FARP1: variants seen among roughly 807,000 people sequenced by gnomAD.
FARP1 encodes FERM, ARHGEF and pleckstrin domain-containing protein 1.
Under a neutral mutation model 128.8 loss-of-function variants are expected in FARP1, and 52 were observed. The ratio of observed to expected loss-of-function variants is 0.40; its 90% CI spans 0.32 to 0.51. FARP1 has a LOEUF of 0.51. Among genes scored for constraint, FARP1 ranks in the 20% least tolerant of loss-of-function variants. The pLI, the probability that FARP1 is intolerant of heterozygous loss-of-function variation, is 0.45. For missense variants in FARP1, 1,333 were observed against 1,367.9 expected (o/e 0.97, Z 0.40); for synonymous variants, 580 against 551.8 (o/e 1.05, Z -0.72).
rs571912087 is a variant in FARP1 at position 98,210,457 on chromosome 13, C to G, written c.-23-2763C>G. Among the ~76,000 whole-genome samples, 6 of 152,246 alleles carry G rather than the reference C, an allele frequency of 3.9e-5. No homozygotes were observed. In the South Asian group the frequency reaches 8.3e-4, roughly 21 times the overall value. On this transcript the variant is annotated intron_variant, in intron 1 of 26. Transcript: ENST00000319562. ...TCCTTTTATAGCCCCAGGGAGCATT[C>G]CAAAGCACACTCACACCTCCCCCTC...
rs1555329634 is a variant in FARP1 at position 98,232,144 on chromosome 13, G to GTTTTTTTTTTT, written c.171+18731_171+18732insTTTTTTTTTTT. Among the ~76,000 whole-genome samples the GTTTTTTTTTTT allele has an allele frequency of 3.6e-3, 398 of 111,544 alleles. 25 individuals are homozygous for GTTTTTTTTTTT. Among genetic ancestry groups the GTTTTTTTTTTT allele is most frequent in the East Asian group, 8.5e-3 (32 of 3,780 alleles). 73.2% of individuals were successfully genotyped at this position (111,544 alleles called of 152,430 possible). ...CGTGCCCGGCTTTTTTTGTTTGGTT[G>GTTTTTTTTTTT]GTTTTTTTTTTTTTTTTTTTTTGCT... On this transcript the variant is annotated intron_variant, in intron 2 of 26. Transcript: ENST00000319562.
At chr13:98,365,245 G>GT in intron 3 of FARP1, 150 bp from the exon 4 acceptor site, 1 of 584,516 alleles carries the variant, frequency 1.7e-6, no homozygotes, top group East Asian at 2.6e-5. Context: ...GGTAGACAAC[G>GT]TAAGATACGG....
chr13:98,351,468 T>C (rs1161499895), intron 3 of FARP1, among the ~76,000 whole-genome samples: 5 of 151,874 alleles, frequency 3.3e-5, no homozygotes, highest in African/African-American at 4.8e-5. Flanking sequence ...AAAAATTAGC[T>C]GGGCGTGGTG....
intron 25 of FARP1, 35 bp from the exon 26 acceptor site, chr13:98,446,631 C>A: frequency 1.2e-6 from 2 of 1,610,232 alleles, no homozygotes; most frequent in South Asian, 1.1e-5. Flanking sequence ...GAAGCTGACC[C>A]CGAAAAGCCA....
chr13:98,160,298 C>T (rs911067350), intron 1 of FARP1, among the ~76,000 whole-genome samples: 8 of 151,990 alleles, frequency 5.3e-5, no homozygotes, highest in Admixed American at 2.6e-4. Flanking sequence ...GTGCTGTAGG[C>T]GTGATGGTGG....
chr13:98,324,313 TTGTG>T (rs1300405905), intron 2 of FARP1, among the ~76,000 whole-genome samples: 1 of 152,200 alleles, frequency 6.6e-6, no homozygotes, highest in Non-Finnish European at 1.5e-5. Context: ...CTACTCCAGC[TTGTG>T]TATTTTGGCA....
chr13:98,363,141 T>G (rs1888941970), intron 3 of FARP1, among the ~76,000 whole-genome samples: 2 of 152,144 alleles, frequency 1.3e-5, no homozygotes, highest in Non-Finnish European at 2.9e-5. Flanking sequence ...CCATTGCTCT[T>G]AGGATAAGGA....
intron 3 of FARP1, among the ~76,000 whole-genome samples, chr13:98,357,644 A>G (rs376202389): frequency 6.6e-6 from 1 of 152,160 alleles, no homozygotes; most frequent in African/African-American, 2.4e-5. Context: ...CATATGGAAT[A>G]TAGTTAGAAT....
chr13:98,386,620 A>G (rs1163758894), intron 8 of FARP1, among the ~76,000 whole-genome samples: 1 of 152,220 alleles, frequency 6.6e-6, no homozygotes, highest in East Asian at 1.9e-4. Context: ...AAGGCTGTTC[A>G]GTACATTCCT....
intron 1 of FARP1, among the ~76,000 whole-genome samples, chr13:98,192,131 C>G (rs995674469): frequency 6.8e-4 from 103 of 152,152 alleles, no homozygotes; most frequent in African/African-American, 2.4e-3. Context: ...ATTGAGTCCT[C>G]TGCATTTCAC....
chr13:98,295,876 T>C (rs1885664734), intron 2 of FARP1, among the ~76,000 whole-genome samples: 1 of 152,366 alleles, frequency 6.6e-6, no homozygotes, highest in East Asian at 1.9e-4. Flanking sequence ...CATCCTTTTA[T>C]ATTTTGCATT....
intron 2 of FARP1, among the ~76,000 whole-genome samples, chr13:98,248,305 G>A (rs1186566760): frequency 1.3e-5 from 2 of 152,134 alleles, no homozygotes; most frequent in Admixed American, 6.5e-5. Flanking sequence ...ATTTAATAGT[G>A]GACTCAGGGA....
At chr13:98,434,127 G>T (rs976779844) in intron 18 of FARP1, 4 of 152,246 alleles carry the variant, frequency 2.6e-5, no homozygotes, top group African/African-American at 9.7e-5. Context: ...AGCATGAAGT[G>T]GCAGCACTGT....
intron 2 of FARP1, 45 bp from the exon 3 acceptor site, chr13:98,343,717 A>C (rs752717224): frequency 7.4e-7 from 1 of 1,357,764 alleles, no homozygotes; most frequent in East Asian, 2.3e-5. Context: ...GTTTGTTTTC[A>C]TCCGTGCCTG....
At position 98,176,752 on chromosome 13, in the gene FARP1, G is replaced by C. The variant is rs1421247800; in HGVS notation, c.-24+33260G>C. On this transcript the variant is annotated intron_variant, in intron 1 of 26. Coordinates refer to ENST00000319562, the MANE Select transcript of FARP1 (RefSeq NM_005766.4). The surrounding 1 kb of genome is among the most constrained non-coding windows in gnomAD (Gnocchi z 6.2). The stretch of plus-strand genomic sequence containing the variant: ...CCCCGAGGAGGAGTTGCCCATGGAC[G>C]TGTCCTTGGGCTTCAGGTACCTCAG... 1 of 1,613,850 alleles carries C rather than the reference G, an allele frequency of 6.2e-7. No homozygotes were observed. The highest frequency in any genetic ancestry group is 1.3e-5 in the African/African-American group (1 of 74,936).
rs368487225 is a variant in FARP1, at chr13:98,167,243, AG to A, written c.-24+23753del. ...TATGGAGAATTCTTAATTGATTTAT[AG>A]GCGTTCCTTTGTATATGGAGAAAAT... is the stretch of plus-strand genomic sequence containing the variant. On this transcript the variant is annotated intron_variant, in intron 1 of 26. Coordinates refer to ENST00000319562, the MANE Select transcript of FARP1 (RefSeq NM_005766.4). Among the ~76,000 whole-genome samples, 36 of 152,248 alleles carry A rather than the reference AG, an allele frequency of 2.4e-4. No individual in the cohort carries two copies. In the East Asian group the frequency reaches 5.6e-3, roughly 24 times the overall value.
At chr13:98,238,112 A>G (rs1882537377) in intron 2 of FARP1, among the ~76,000 whole-genome samples, 2 of 152,212 alleles carry the variant, frequency 1.3e-5, no homozygotes, top group Non-Finnish European at 2.9e-5. Context: ...GTTTGACTTA[A>G]AAAATGTTAA....
At chr13:98,396,602 A>C in intron 13 of FARP1, 1 of 398,222 alleles carries the variant, frequency 2.5e-6, no homozygotes, top group South Asian at 1.4e-4. Context: ...CATTTGTTAG[A>C]GGAGATTTTG....
Position 98,395,356 on chromosome 13 carries a change from A to G in FARP1, c.1294A>G (p.Arg432Gly). The G allele has an allele frequency of 6.2e-7, 1 of 1,611,814 alleles. No individual in the cohort carries two copies. The highest frequency in any genetic ancestry group is 2.2e-5 in the East Asian group (1 of 44,820). Residue 432 changes from arginine to glycine, a missense_variant, in exon 13 of 27, where the codon AGA becomes GGA. Coordinates refer to ENST00000319562, the MANE Select transcript of FARP1 (RefSeq NM_005766.4). ...GTCGCACCCGAGCCCTGCGCCGAGGAGAAGCCCCGCGGGTAACAAGCAGGC... is the reference window on the plus strand; with the variant it reads ...GTCGCACCCGAGCCCTGCGCCGAGGGGAAGCCCCGCGGGTAACAAGCAGGC... ...PGSHPSPAPR[R>G]SPAGNKQADG...
Sources: allele counts gnomAD v4.1 joint callset (sites outside exome capture counted in the v4.1 genomes callset), GRCh38; gene constraint gnomAD v4.1.1; non-coding constraint Gnocchi (gnomAD v3.1); transcripts MANE v1.5; gene names NCBI Gene and HGNC (gene_info 2026-07-23, HGNC 2026-07-21).